NTRK3: variants seen among roughly 807,000 people sequenced by gnomAD.
NTRK3 encodes NT-3 growth factor receptor.
NTRK3 carries 24 observed loss-of-function variants against 91.7 expected under a neutral mutation model. The observed-to-expected ratio is 0.26, with a 90% CI of 0.19 to 0.37. The LOEUF (loss-of-function observed/expected upper bound fraction) is 0.37, where lower values mean the gene tolerates loss of function less well. Among genes scored for constraint, NTRK3 ranks in the 10% least tolerant of loss-of-function variants. The probability of loss-of-function intolerance (pLI) is 1.00; values close to 1 mark genes in which losing one functional copy is unlikely to be tolerated. For synonymous variants in NTRK3, 483 were observed against 404.0 expected, an observed-to-expected ratio of 1.20 and a Z score of -2.34; for missense variants, 880 against 1,068.9, an observed-to-expected ratio of 0.82 and a Z score of 2.46.
chr15:88,059,717 GC>G (rs2046037592), intron 13 of NTRK3, among the ~76,000 whole-genome samples: 1 of 152,010 alleles, frequency 6.6e-6, no homozygotes, highest in Admixed American at 6.6e-5. Flanking sequence ...GGTGTTACAA[GC>G]TAAATTGTGA....
At chr15:88,007,721 C>G (rs758080860) in intron 14 of NTRK3, among the ~76,000 whole-genome samples, 8 of 152,208 alleles carry the variant, frequency 5.3e-5, no homozygotes, top group African/African-American at 9.7e-5. Flanking sequence ...GAAATCAAGG[C>G]AATCACTGGG....
chr15:87,870,090 C>T (rs913276301), exon 19 of NTRK3: 1 of 187,504 alleles, frequency 5.3e-6, no homozygotes, highest in Non-Finnish European at 1.1e-5. Context: ...GATACTTGCA[C>T]ACATATGTTT....
At chr15:88,119,278 A>G (rs2052441116) in intron 13 of NTRK3, among the ~76,000 whole-genome samples, 1 of 152,232 alleles carries the variant, frequency 6.6e-6, no homozygotes, top group African/African-American at 2.4e-5. Context: ...GAACTCAGTC[A>G]TCAAGTGGGG....
intron 14 of NTRK3, among the ~76,000 whole-genome samples, chr15:87,950,822 C>T (rs868164359): frequency 9.2e-5 from 14 of 152,088 alleles, no homozygotes; most frequent in Middle Eastern, 3.4e-3. Context: ...AAGGATTCTC[C>T]CTTATTATTG....
chr15:88,059,921 G>C (rs531115714), intron 13 of NTRK3, among the ~76,000 whole-genome samples: 1 of 152,336 alleles, frequency 6.6e-6, no homozygotes, highest in East Asian at 1.9e-4. Context: ...GGAAGGCCAT[G>C]TGAAGATACA....
chr15:87,935,979 G>C (rs1254784667), intron 15 of NTRK3, among the ~76,000 whole-genome samples: 1 of 152,214 alleles, frequency 6.6e-6, no homozygotes, highest in African/African-American at 2.4e-5. Flanking sequence ...ATGGCAACTA[G>C]GGTTGGGAGC....
chr15:88,249,570 G>A (rs1443486266), intron 3 of NTRK3, among the ~76,000 whole-genome samples: 2 of 152,148 alleles, frequency 1.3e-5, no homozygotes, highest in African/African-American at 4.8e-5. Context: ...GTGACATGAG[G>A]GAGAAGATGA....
At chr15:87,886,697 T>TATATAC (rs1335887821) in intron 17 of NTRK3, among the ~76,000 whole-genome samples, 8 of 135,870 alleles carry the variant, frequency 5.9e-5, no homozygotes, top group Admixed American at 2.2e-4. Flanking sequence ...TATATATATA[T>TATATAC]ATACATATAT....
At chr15:88,128,344 T>C (rs189739727) in intron 11 of NTRK3, among the ~76,000 whole-genome samples, 58 of 152,320 alleles carry the variant, frequency 3.8e-4, no homozygotes, top group African/African-American at 1.3e-3. Flanking sequence ...CTAGCAGGTT[T>C]ATAGGTTCCA....
At chr15:88,088,042 T>C (rs186350842) in intron 13 of NTRK3, among the ~76,000 whole-genome samples, 133 of 152,244 alleles carry the variant, frequency 8.7e-4, no homozygotes, top group African/African-American at 3.1e-3. Context: ...CACAGCAAGT[T>C]CCCACCTTAA....
At chr15:87,923,822 G>C (rs951261965) in intron 17 of NTRK3, among the ~76,000 whole-genome samples, 3 of 152,010 alleles carry the variant, frequency 2.0e-5, no homozygotes, top group African/African-American at 4.8e-5. Flanking sequence ...CATGAGAGTG[G>C]GTTTGTTATC....
intron 3 of NTRK3, among the ~76,000 whole-genome samples, chr15:88,200,754 C>T (rs2048234390): frequency 6.6e-6 from 1 of 152,198 alleles, no homozygotes; most frequent in South Asian, 2.1e-4. Context: ...TCAGGCAGTT[C>T]TTTATAGCAG....
intron 13 of NTRK3, among the ~76,000 whole-genome samples, chr15:88,123,469 A>G (rs1275804771): frequency 2.6e-5 from 4 of 152,208 alleles, no homozygotes; most frequent in Non-Finnish European, 4.4e-5. Flanking sequence ...AAAAGATCAA[A>G]GGTTAATGCA....
At chr15:88,188,555 T>TA (rs1223849860) in intron 3 of NTRK3, among the ~76,000 whole-genome samples, 49 of 152,330 alleles carry the variant, frequency 3.2e-4, no homozygotes, top group African/African-American at 1.1e-3. Flanking sequence ...CTAAGAGGGC[T>TA]ATTAAAGCAA....
chr15:88,065,184 A>G (rs541063518), intron 13 of NTRK3, among the ~76,000 whole-genome samples: 2 of 152,256 alleles, frequency 1.3e-5, no homozygotes, highest in East Asian at 3.9e-4. Context: ...CCTCACTGAT[A>G]GGAGGCCAAC....
intron 3 of NTRK3, among the ~76,000 whole-genome samples, chr15:88,236,952 G>A (rs988969156): frequency 2.6e-5 from 4 of 152,110 alleles, no homozygotes; most frequent in African/African-American, 7.2e-5. Context: ...TCCCACAGGC[G>A]TGCGCATCTG....
At chr15:87,929,809 T>C (rs749574532) in intron 16 of NTRK3, among the ~76,000 whole-genome samples, 1 of 152,218 alleles carries the variant, frequency 6.6e-6, no homozygotes, top group Non-Finnish European at 1.5e-5. Flanking sequence ...GTTTTAAATA[T>C]TGTAATTCAC....
intron 6 of NTRK3, among the ~76,000 whole-genome samples, chr15:88,146,675 T>C (rs1299200399): frequency 6.6e-6 from 1 of 152,206 alleles, no homozygotes; most frequent in African/African-American, 2.4e-5. Flanking sequence ...CTGATCAGCC[T>C]TGGACCACAG....
intron 3 of NTRK3, among the ~76,000 whole-genome samples, chr15:88,254,533 C>A (rs554610915): frequency 6.6e-6 from 1 of 152,070 alleles, no homozygotes; most frequent in Non-Finnish European, 1.5e-5. Flanking sequence ...CTGTCAGCTG[C>A]GAGAGCGCAA....
Sources: gnomAD v4.1 joint callset for allele counts (sites outside exome capture counted in the v4.1 genomes callset) on GRCh38, gnomAD v4.1.1 for gene constraint, MANE v1.5 for transcripts, NCBI Gene and HGNC (gene_info 2026-07-23, HGNC 2026-07-21) for gene names.